Variants in KHDRBS2 observed in about 807,000 individuals in gnomAD.
KHDRBS2 encodes KH domain-containing, RNA-binding, signal transduction-associated protein 2.
A neutral mutation model predicts 44.3 loss-of-function variants in KHDRBS2; 26 were observed. That is an observed-to-expected ratio of 0.59 (90% CI 0.43 to 0.81). KHDRBS2 has a LOEUF of 0.81. KHDRBS2 is among the 40% of genes least tolerant of loss of function. The pLI is 0.00. For missense variants in KHDRBS2, 476 were observed against 433.1 expected (o/e 1.10, Z -0.88); for synonymous variants, 194 against 151.1 (o/e 1.28, Z -2.08).
chr6:62,249,099 A>G (rs1836107155), intron 1 of KHDRBS2, among the ~76,000 whole-genome samples: 1 of 152,160 alleles, frequency 6.6e-6, no homozygotes, highest in African/African-American at 2.4e-5. Context: ...GTTTCAAAAG[A>G]TGCTTTGAAG....
intron 2 of KHDRBS2, among the ~76,000 whole-genome samples, chr6:62,135,325 T>C (rs1456180559): frequency 1.3e-5 from 2 of 152,164 alleles, no homozygotes; most frequent in Non-Finnish European, 2.9e-5. Flanking sequence ...CCTTCCGCAA[T>C]GTGAGGCCTC....
the KHDRBS2 span, among the ~76,000 whole-genome samples, chr6:61,595,472 C>T: frequency 6.6e-6 from 1 of 152,098 alleles, no homozygotes; most frequent in Non-Finnish European, 1.5e-5. Context: ...AGAAACAAAA[C>T]TATTTTTTTA....
At chr6:61,564,839 A>G in the KHDRBS2 span, among the ~76,000 whole-genome samples, 1 of 152,152 alleles carries the variant, frequency 6.6e-6, no homozygotes, top group Non-Finnish European at 1.5e-5. Context: ...GGCCAAAGCA[A>G]TCCTCAGCAA....
At chr6:62,245,886 T>C (rs533642173) in intron 1 of KHDRBS2, among the ~76,000 whole-genome samples, 5 of 151,884 alleles carry the variant, frequency 3.3e-5, no homozygotes, top group African/African-American at 1.2e-4. Context: ...TATGTTTTCA[T>C]ATTGTATCTG....
chr6:62,069,108 G>A (rs1403778133), intron 2 of KHDRBS2, among the ~76,000 whole-genome samples: 1 of 151,522 alleles, frequency 6.6e-6, no homozygotes, highest in East Asian at 2.0e-4. Context: ...GGGGGTTAGG[G>A]AAACTGACCT....
the KHDRBS2 span, among the ~76,000 whole-genome samples, chr6:61,634,697 A>G: frequency 6.6e-6 from 1 of 152,056 alleles, no homozygotes; most frequent in Admixed American, 6.6e-5. Context: ...GTAGGCATAA[A>G]GGTCTCAAGA....
At chr6:62,084,313 C>CA (rs1798001235) in intron 2 of KHDRBS2, among the ~76,000 whole-genome samples, 1 of 152,098 alleles carries the variant, frequency 6.6e-6, no homozygotes, top group Non-Finnish European at 1.5e-5. Flanking sequence ...ATACAAAAGC[C>CA]AAATAAATTT....
intron 1 of KHDRBS2, among the ~76,000 whole-genome samples, chr6:62,185,096 T>C (rs1823155346): frequency 6.6e-6 from 1 of 151,950 alleles, no homozygotes; most frequent in Non-Finnish European, 1.5e-5. Flanking sequence ...AATGATGTTA[T>C]TATAACGATT....
At chr6:61,730,005 A>T (rs1348297628) in intron 7 of KHDRBS2, among the ~76,000 whole-genome samples, 2 of 152,294 alleles carry the variant, frequency 1.3e-5, no homozygotes, top group East Asian at 3.9e-4. Flanking sequence ...ACCTGATCTA[A>T]TAAGAACTCT....
intron 1 of KHDRBS2, among the ~76,000 whole-genome samples, chr6:62,178,942 G>A (rs1223487690): frequency 6.6e-6 from 1 of 151,412 alleles, no homozygotes; most frequent in Non-Finnish European, 1.5e-5. Flanking sequence ...TATTTATATT[G>A]CATTTTACAA....
intron 6 of KHDRBS2, among the ~76,000 whole-genome samples, chr6:61,861,465 T>A (rs1186570160): frequency 6.6e-6 from 1 of 152,152 alleles, no homozygotes; most frequent in East Asian, 1.9e-4. Flanking sequence ...ATTTATTAAA[T>A]AGGGAGTCCT....
At chr6:61,670,014 A>G in the KHDRBS2 span, among the ~76,000 whole-genome samples, 415 of 151,442 alleles carry the variant, frequency 2.7e-3, 3 homozygotes, top group African/African-American at 9.2e-3. Flanking sequence ...GGAGGAGGAA[A>G]TGAAGGAAAG....
chr6:62,113,959 A>T (rs913030256), intron 2 of KHDRBS2, among the ~76,000 whole-genome samples: 2 of 152,090 alleles, frequency 1.3e-5, no homozygotes, highest in African/African-American at 4.8e-5. Context: ...TGGCTGGAAG[A>T]CCTCAGGTAA....
the KHDRBS2 span, among the ~76,000 whole-genome samples, chr6:61,565,515 G>A: frequency 2.6e-5 from 4 of 152,106 alleles, 1 homozygote; most frequent in Admixed American, 2.6e-4. Context: ...GGTCTAAATA[G>A]ATGCTTTTCA....
At chr6:61,672,416 A>G in the KHDRBS2 span, among the ~76,000 whole-genome samples, 118 of 152,136 alleles carry the variant, frequency 7.8e-4, 1 homozygote, top group Middle Eastern at 0.017. Context: ...CTGAGGAATC[A>G]CCACACTGAC....
intron 2 of KHDRBS2, among the ~76,000 whole-genome samples, chr6:62,151,939 A>G (rs761225605): frequency 6.6e-6 from 1 of 152,224 alleles, no homozygotes; most frequent in African/African-American, 2.4e-5. Flanking sequence ...CCTGGGTTTA[A>G]GAACCACACC....
chr6:61,661,001 T>C, the KHDRBS2 span, among the ~76,000 whole-genome samples: 1 of 151,834 alleles, frequency 6.6e-6, no homozygotes, highest in Non-Finnish European at 1.5e-5. Flanking sequence ...TTCTTTGTAA[T>C]ACAGGAATTT....
the KHDRBS2 span, among the ~76,000 whole-genome samples, chr6:61,547,240 T>C: frequency 6.6e-6 from 1 of 152,152 alleles, no homozygotes. Context: ...GCTGTATTTG[T>C]ATTTTTGCCT....
Position 62,055,510 on chromosome 6 carries a change from C to A in KHDRBS2, c.220-7516G>T, listed in dbSNP as rs866421445. Among the ~76,000 whole-genome samples, 5 of 152,064 alleles carry A rather than the reference C, an allele frequency of 3.3e-5. No individual in the cohort carries two copies. The South Asian group carries it at 1.0e-3, about 32-fold the overall frequency. On this transcript the variant is annotated intron_variant, in intron 2 of 8. Coordinates refer to ENST00000281156, the MANE Select transcript of KHDRBS2 (RefSeq NM_152688.4). ...GTGTAAATGAATACAACCATAATGG[C>A]AGTGTCTTGTCAATCTGTAAATCCA... is the stretch of plus-strand genomic sequence containing the variant.
Sources: gnomAD v4.1 joint callset for allele counts (sites outside exome capture counted in the v4.1 genomes callset) on GRCh38, gnomAD v4.1.1 for gene constraint, MANE v1.5 for transcripts, NCBI Gene and HGNC (gene_info 2026-07-23, HGNC 2026-07-21) for gene names.